The following SMYD3 variants were observed in gnomAD, a reference collection of about 807,000 sequenced individuals.
The protein encoded by SMYD3 is histone-lysine N-methyltransferase SMYD3.
SMYD3 carries 36 observed loss-of-function variants against 57.7 expected under a neutral mutation model. That is an observed-to-expected ratio of 0.62 (90% CI 0.48 to 0.82). The LOEUF is 0.82. Among genes scored for constraint, SMYD3 ranks in the 40% least tolerant of loss-of-function variants. The pLI is 0.00. For synonymous variants in SMYD3, 211 were observed against 195.0 expected (o/e 1.08, Z -0.68); for missense variants, 515 against 538.8 (o/e 0.96, Z 0.44).
intron 5 of SMYD3, among the ~76,000 whole-genome samples, chr1:246,314,526 A>T (rs947189157): frequency 6.6e-6 from 1 of 152,206 alleles, no homozygotes; most frequent in African/African-American, 2.4e-5. Flanking sequence ...TAAAAAATTA[A>T]AACAAAGGAG....
chr1:245,946,161 T>G (rs2057422316), intron 5 of SMYD3, among the ~76,000 whole-genome samples: 1 of 152,134 alleles, frequency 6.6e-6, no homozygotes, highest in East Asian at 1.9e-4. Flanking sequence ...AAGATAGTAC[T>G]GCCTGAAATA....
chr1:246,300,898 T>C (rs2148613744), intron 5 of SMYD3, among the ~76,000 whole-genome samples: 1 of 152,280 alleles, frequency 6.6e-6, no homozygotes. Context: ...CTGGATTTTA[T>C]TGCAAGCAAA....
chr1:246,131,765 G>T (rs948317725), intron 5 of SMYD3, among the ~76,000 whole-genome samples: 4 of 152,108 alleles, frequency 2.6e-5, no homozygotes, highest in Admixed American at 2.6e-4. Flanking sequence ...GAGAAGTCTA[G>T]AACTGGTTAT....
chr1:246,496,298 T>C (rs10924750), intron 1 of SMYD3, among the ~76,000 whole-genome samples: 67,456 of 151,830 alleles, frequency 0.44, 15,780 homozygotes, highest in African/African-American at 0.58. Context: ...CCTCCCAAGG[T>C]GCTGGGATTA....
At position 246,386,538 on chromosome 1, in the gene SMYD3, C is replaced by T. The variant is rs529171736; in HGVS notation, c.165-31444G>A. On this transcript the variant is annotated intron_variant, in intron 1 of 11. Coordinates refer to ENST00000490107, the MANE Select transcript of SMYD3 (RefSeq NM_001167740.2). The stretch of plus-strand genomic sequence containing the variant: ...AGGTGCAGTGGCTCATGCCTGTAAT[C>T]CCAGCACTTTTGGGAGGCTGTGGCA... 1.9e-3 allele frequency among the ~76,000 whole-genome samples: 284 copies of T among 152,194 alleles called. 1 individual carries two copies. The highest frequency in any genetic ancestry group is 2.9e-3 in the Non-Finnish European group (197 of 68,006).
At chr1:246,143,280 C>G (rs2061790935) in intron 5 of SMYD3, among the ~76,000 whole-genome samples, 1 of 152,162 alleles carries the variant, frequency 6.6e-6, no homozygotes, top group African/African-American at 2.4e-5. Flanking sequence ...CCAAAGGCTT[C>G]AAAACAGGTG....
chr1:246,148,947 G>A (rs1197797615), intron 5 of SMYD3, among the ~76,000 whole-genome samples: 2 of 152,188 alleles, frequency 1.3e-5, no homozygotes, highest in African/African-American at 2.4e-5. Flanking sequence ...TGAGTGGCAG[G>A]AAAACCCTAC....
At chr1:245,942,433 T>C (rs958253778) in intron 5 of SMYD3, among the ~76,000 whole-genome samples, 6 of 152,190 alleles carry the variant, frequency 3.9e-5, no homozygotes, top group African/African-American at 1.2e-4. Flanking sequence ...GAGCTAACTA[T>C]CCTAACTATA....
chr1:246,465,525 A>G (rs2067868698), intron 1 of SMYD3, among the ~76,000 whole-genome samples: 1 of 152,176 alleles, frequency 6.6e-6, no homozygotes, highest in South Asian at 2.1e-4. Flanking sequence ...AAAAGTTCAG[A>G]AGAAGTATTA....
chr1:246,231,803 A>C (rs546367050), intron 5 of SMYD3, among the ~76,000 whole-genome samples: 2 of 150,244 alleles, frequency 1.3e-5, no homozygotes, highest in South Asian at 4.3e-4. Context: ...TCAACTTCTC[A>C]CAGCAATCAA....
chr1:245,824,746 C>G (rs1275193485), intron 10 of SMYD3, among the ~76,000 whole-genome samples: 1 of 151,612 alleles, frequency 6.6e-6, no homozygotes, highest in African/African-American at 2.4e-5. Context: ...GTCCCAGCTA[C>G]TTGGGCGGCT....
At chr1:246,186,528 A>G (rs1476417974) in intron 5 of SMYD3, among the ~76,000 whole-genome samples, 1 of 152,090 alleles carries the variant, frequency 6.6e-6, no homozygotes, top group Non-Finnish European at 1.5e-5. Context: ...ATGCACAAGT[A>G]CTCTGAAACC....
chr1:245,777,929 C>T (rs1466743989), intron 10 of SMYD3, among the ~76,000 whole-genome samples: 2 of 151,960 alleles, frequency 1.3e-5, no homozygotes, highest in Admixed American at 1.3e-4. Context: ...GTTCCCAAAC[C>T]AAAACCACCA....
At chr1:245,945,083 G>A (rs2057388178) in intron 5 of SMYD3, among the ~76,000 whole-genome samples, 1 of 152,140 alleles carries the variant, frequency 6.6e-6, no homozygotes, top group Non-Finnish European at 1.5e-5. Context: ...CATAGGCAAA[G>A]ATTTCATGAA....
intron 5 of SMYD3, among the ~76,000 whole-genome samples, chr1:246,222,521 C>T (rs180896316): frequency 1.5e-4 from 23 of 152,220 alleles, no homozygotes; most frequent in Non-Finnish European, 1.5e-5. Context: ...CTCACAAGGT[C>T]CTCCTGAGAA....
chr1:245,920,296 G>A (rs144665587), intron 7 of SMYD3, among the ~76,000 whole-genome samples: 1 of 132,080 alleles, frequency 7.6e-6, no homozygotes, highest in Non-Finnish European at 1.5e-5. Context: ...CTGGGCGACA[G>A]AGCGAGACTC....
At chr1:245,884,857 T>C (rs1188452810) in intron 8 of SMYD3, among the ~76,000 whole-genome samples, 2 of 151,656 alleles carry the variant, frequency 1.3e-5, no homozygotes, top group East Asian at 3.9e-4. Context: ...ATCAGCAGGA[T>C]GTGGGCAGGG....
At chr1:245,750,919 G>A (rs1470996271) in intron 11 of SMYD3, among the ~76,000 whole-genome samples, 2 of 152,132 alleles carry the variant, frequency 1.3e-5, no homozygotes, top group African/African-American at 2.4e-5. Flanking sequence ...AAGAGACACC[G>A]AGGGCCAGAC....
chr1:246,159,394 G>A (rs1429106588), intron 5 of SMYD3, among the ~76,000 whole-genome samples: 1 of 152,118 alleles, frequency 6.6e-6, no homozygotes, highest in Non-Finnish European at 1.5e-5. Flanking sequence ...GAAGGGCAGG[G>A]TGTGTCTAGC....
Sources: allele counts gnomAD v4.1 joint callset (sites outside exome capture counted in the v4.1 genomes callset), GRCh38; gene constraint gnomAD v4.1.1; transcripts MANE v1.5; gene names NCBI Gene and HGNC (gene_info 2026-07-23, HGNC 2026-07-21).